PRAG1: variants seen among roughly 807,000 people sequenced by gnomAD.
PRAG1 encodes inactive tyrosine-protein kinase PRAG1.
A neutral mutation model predicts 95.6 loss-of-function variants in PRAG1; 110 were observed. That is an observed-to-expected ratio of 1.15 (90% CI 0.99 to 1.35). The LOEUF (loss-of-function observed/expected upper bound fraction) is 1.35. PRAG1 is among the 40% of genes most tolerant of loss of function. The pLI is 0.00. For missense variants in PRAG1, 2,554 were observed against 1,864.7 expected (o/e 1.37, Z -6.81); for synonymous variants, 1,052 against 819.4 (o/e 1.28, Z -4.85).
intron 4 of PRAG1, among the ~76,000 whole-genome samples, chr8:8,334,470 T>C (rs1329315773): frequency 2.0e-5 from 3 of 151,922 alleles, no homozygotes; most frequent in African/African-American, 7.3e-5. Context: ...AAGAAACCTT[T>C]GCTTTTTTCA....
intron 3 of PRAG1, among the ~76,000 whole-genome samples, chr8:8,375,213 T>C (rs997008491): frequency 1.3e-5 from 2 of 151,606 alleles, no homozygotes; most frequent in Non-Finnish European, 2.9e-5. Flanking sequence ...TGTTTTTTTT[T>C]TTGTTTTTTT....
At chr8:8,350,422 G>A (rs1464644287) in intron 3 of PRAG1, among the ~76,000 whole-genome samples, 1 of 152,146 alleles carries the variant, frequency 6.6e-6, no homozygotes, top group African/African-American at 2.4e-5. Context: ...AAGTCAAGGA[G>A]GAAACTCACA....
chr8:8,384,737 GC>G, intron 1 of PRAG1, among the ~76,000 whole-genome samples: 1 of 151,944 alleles, frequency 6.6e-6, no homozygotes, highest in African/African-American at 2.4e-5. Context: ...GCCTCGCCTT[GC>G]CTGGTGCAGC....
At position 8,362,079 on chromosome 8, in the gene PRAG1, T is replaced by A. The variant is rs1403225231; in HGVS notation, c.2162+14168A>T. 2.0e-5 allele frequency among the ~76,000 whole-genome samples: 3 copies of A among 152,186 alleles called. No homozygotes were observed. The East Asian group carries it at 5.8e-4, about 29-fold the overall frequency. ...GAGGTTTCATTTTCCCTGGGGAGGATCTTAACTCCTCTTCCCCCACCCCTG... is the reference window on the plus strand; with the variant it reads ...GAGGTTTCATTTTCCCTGGGGAGGAACTTAACTCCTCTTCCCCCACCCCTG... On this transcript the variant is annotated intron_variant, in intron 3 of 5. Coordinates refer to ENST00000615670, the MANE Select transcript of PRAG1 (RefSeq NM_001080826.3).
chr8:8,345,046 G>GGTGTGTGTGTGT (rs57329300), intron 3 of PRAG1, among the ~76,000 whole-genome samples: 2,093 of 133,960 alleles, frequency 0.016, 22 homozygotes, highest in African/African-American at 0.02. Context: ...TTATCCGCAG[G>GGTGTGTGTGTGT]GTGTGTGTGT....
intron 5 of PRAG1, among the ~76,000 whole-genome samples, chr8:8,324,944 G>T (rs1334882307): frequency 6.6e-6 from 1 of 152,160 alleles, no homozygotes; most frequent in Non-Finnish European, 1.5e-5. Context: ...AGGGCGCTGA[G>T]CCCAAAGTAG....
chr8:8,364,920 G>A (rs1799953777), intron 3 of PRAG1, among the ~76,000 whole-genome samples: 1 of 152,058 alleles, frequency 6.6e-6, no homozygotes, highest in Non-Finnish European at 1.5e-5. Flanking sequence ...CATTGAGAGT[G>A]TTTGGGATCA....
intron 3 of PRAG1, among the ~76,000 whole-genome samples, chr8:8,345,266 C>T: frequency 6.6e-6 from 1 of 150,610 alleles, no homozygotes; most frequent in East Asian, 2.0e-4. Flanking sequence ...CATCGTGGCC[C>T]AAGCCTGTAA....
chr8:8,367,458 C>CAAAAAAAAAAAAAAAAAAA (rs1158165514), intron 3 of PRAG1, among the ~76,000 whole-genome samples: 1 of 26,218 alleles, frequency 3.8e-5, no homozygotes, highest in Non-Finnish European at 6.4e-5. Context: ...GACTCCATCT[C>CAAAAAAAAAAAAAAAAAAA]AAAAAAAAAA....
At chr8:8,366,458 C>T (rs552931261) in intron 3 of PRAG1, among the ~76,000 whole-genome samples, 16 of 151,994 alleles carry the variant, frequency 1.1e-4, no homozygotes, top group East Asian at 1.9e-4. Context: ...AGATTACATG[C>T]GTCTGCCACA....
At chr8:8,347,174 G>T (rs571762923) in intron 3 of PRAG1, among the ~76,000 whole-genome samples, 1 of 152,186 alleles carries the variant, frequency 6.6e-6, no homozygotes. Context: ...ACTCAGGCCC[G>T]TAGTGCTGTC....
At chr8:8,332,637 A>T (rs1355121267) in intron 4 of PRAG1, among the ~76,000 whole-genome samples, 1 of 55,226 alleles carries the variant, frequency 1.8e-5, no homozygotes, top group Non-Finnish European at 3.9e-5. Flanking sequence ...CCACCCCACC[A>T]CCTCCAGGCC....
At chr8:8,367,222 AGAATTAC>A (rs934805740) in intron 3 of PRAG1, among the ~76,000 whole-genome samples, 8 of 151,856 alleles carry the variant, frequency 5.3e-5, no homozygotes, top group Admixed American at 2.0e-4. Flanking sequence ...ACATAATATA[AGAATTAC>A]GGGTGGATCA....
intron 4 of PRAG1, among the ~76,000 whole-genome samples, chr8:8,338,760 G>C (rs540934177): frequency 1.4e-3 from 212 of 152,240 alleles, no homozygotes; most frequent in African/African-American, 4.4e-3. Context: ...TATTTCCATA[G>C]GACTGAAAAA....
chr8:8,385,801 G>C (rs566879979), intron 1 of PRAG1, among the ~76,000 whole-genome samples: 1 of 152,186 alleles, frequency 6.6e-6, no homozygotes, highest in South Asian at 2.1e-4. Flanking sequence ...ATGCGTTTCA[G>C]AGGGCTCAGC....
In PRAG1 at chr8:8,328,005, G is replaced by C. The variant is rs1017954393; in HGVS notation, c.2777C>G (p.Ser926Cys). 4 of 1,588,962 alleles carry C rather than the reference G, an allele frequency of 2.5e-6. No individual in the cohort carries two copies. Among genetic ancestry groups the C allele is most frequent in the Admixed American group, 3.4e-5 (2 of 58,272 alleles). ...PSASSSQLSV[S>C]SQASTGSTQL... ...GGTGCTCCCGGTGGAGGCTTGACTG[G>C]ACACGCTCAGCTGGGAGGATGAGGC... The change falls in exon 5 of 6, where the codon TCC (serine) becomes TGC (cysteine). Residue 926 changes from serine (S) to cysteine (C), a missense_variant. Physicochemically the swap from Ser to Cys is moderately radical, Grantham distance 112. Transcript: ENST00000615670.
At chr8:8,360,222 G>A (rs1257755336) in intron 3 of PRAG1, among the ~76,000 whole-genome samples, 1 of 152,074 alleles carries the variant, frequency 6.6e-6, no homozygotes, top group East Asian at 1.9e-4. Context: ...TCCAATTCAG[G>A]ACATTCGTTC....
chr8:8,372,471 G>T (rs1800240925), intron 3 of PRAG1, among the ~76,000 whole-genome samples: 1 of 152,218 alleles, frequency 6.6e-6, no homozygotes, highest in Non-Finnish European at 1.5e-5. Context: ...GACTCTGTGA[G>T]ATCCATCATT....
chr8:8,367,330 C>T (rs1355410926), intron 3 of PRAG1, among the ~76,000 whole-genome samples: 8 of 151,266 alleles, frequency 5.3e-5, no homozygotes, highest in East Asian at 4.0e-4. Flanking sequence ...TGGTGGCAGG[C>T]GCCTGTAATC....
Sources: gnomAD v4.1 joint callset for allele counts (sites outside exome capture counted in the v4.1 genomes callset) on GRCh38, gnomAD v4.1.1 for gene constraint, MANE v1.5 for transcripts, NCBI Gene and HGNC (gene_info 2026-07-23, HGNC 2026-07-21) for gene names.